PCDHGB1: variants seen among roughly 807,000 people sequenced by gnomAD.
The protein encoded by PCDHGB1 is protocadherin gamma subfamily B, 1.
Under a neutral mutation model 56.6 loss-of-function variants are expected in PCDHGB1, and 34 were observed. The observed-to-expected ratio is 0.60, with a 90% CI of 0.46 to 0.80. PCDHGB1 has a LOEUF of 0.80. Ranked by LOEUF, PCDHGB1 falls within the 30% of genes least tolerant of loss-of-function variation. PCDHGB1 has a pLI of 0.00. For synonymous variants in PCDHGB1, 561 were observed against 505.9 expected (o/e 1.11, Z -1.46); for missense variants, 1,278 against 1,204.6 (o/e 1.06, Z -0.90).
In PCDHGB1 at chr5:141,494,850, G is replaced by C. The variant is rs2099757124; in HGVS notation, c.2453G>C (p.Arg818Thr). 1.2e-6 allele frequency: 2 copies of C among 1,614,124 alleles called. No individual in the cohort carries two copies. The highest frequency in any genetic ancestry group is 1.7e-6 in the Non-Finnish European group (2 of 1,180,018). Reference protein sequence around the residue: ...NTDWRFSQAQRPGTSGSQNGD... With the variant: ...NTDWRFSQAQTPGTSGSQNGD... ...GACTGGCGTTTCTCTCAGGCCCAGA[G>C]ACCCGGCACCAGCGGGTAGGTGACT... is the stretch of plus-strand genomic sequence containing the variant. The change falls in exon 2 of 4, where the codon AGA becomes ACA. Residue 818 changes from arginine to threonine, a missense_variant. Physicochemically the swap from Arg to Thr is moderately conservative, Grantham distance 71. Transcript: ENST00000523390.
At chr5:141,361,404 A>G in intron 1 of PCDHGB1, 1 of 1,614,050 alleles carries the variant, frequency 6.2e-7, no homozygotes, top group East Asian at 2.2e-5. Context: ...TCACCATCAC[A>G]GCCACCGACG....
chr5:141,462,668 T>C (rs778396861), intron 1 of PCDHGB1, among the ~76,000 whole-genome samples: 10 of 152,232 alleles, frequency 6.6e-5, no homozygotes, highest in Non-Finnish European at 1.5e-4. Flanking sequence ...CTTCATATTT[T>C]TCTTTAAATT....
rs115237553 is a variant in PCDHGB1, at chr5:141,476,478, T to A, written c.2410-18329T>A. 1.3e-4 allele frequency: 203 copies of A among 1,613,844 alleles called. 2 individuals are homozygous for A. The African/African-American group carries it at 2.5e-3, about 20-fold the overall frequency. Reference sequence around the variant, plus strand: ...GAGAACCCGCTGGAGCTGTTCAGCGTGGAAGTGGTGATCCAGGACATCAAC... The same window carrying A: ...GAGAACCCGCTGGAGCTGTTCAGCGAGGAAGTGGTGATCCAGGACATCAAC... On this transcript the variant is annotated intron_variant, in intron 1 of 3. Transcript: ENST00000523390. The surrounding 1 kb of genome is among the most constrained non-coding windows in gnomAD (Gnocchi z 7.6).
intron 1 of PCDHGB1, chr5:141,357,257 A>G (rs1239209097): frequency 6.2e-7 from 1 of 1,612,430 alleles, no homozygotes; most frequent in Non-Finnish European, 8.5e-7. Flanking sequence ...GACCCAGACG[A>G]CTCGGGCCTC....
chr5:141,425,843 G>A (rs2096898027), intron 1 of PCDHGB1, among the ~76,000 whole-genome samples: 1 of 152,118 alleles, frequency 6.6e-6, no homozygotes, highest in African/African-American at 2.4e-5. Flanking sequence ...TCTCTTTGCT[G>A]GGTTAATGAC....
intron 1 of PCDHGB1, among the ~76,000 whole-genome samples, chr5:141,482,354 G>C (rs1461472845): frequency 6.6e-6 from 1 of 152,096 alleles, no homozygotes; most frequent in Non-Finnish European, 1.5e-5. Context: ...CTTGTTGTGA[G>C]AGTGAAAAGT....
Position 141,431,103 on chromosome 5 carries a change from A to C in PCDHGB1, c.2410-63704A>C, listed in dbSNP as rs769542343. On this transcript the variant is annotated intron_variant, in intron 1 of 3. Coordinates refer to ENST00000523390, the MANE Select transcript of PCDHGB1 (RefSeq NM_018922.3). This position sits in a 1 kb window ranked among gnomAD's most constrained non-coding sequence, Gnocchi z 4.8. ...GACATTCTGATGGAGGATAAAGTGA[A>C]AATATATGGAGTAGAAGTAGAAGTA... 6.2e-7 allele frequency: 1 copy of C among 1,614,246 alleles called. No individual in the cohort carries two copies.
At chr5:141,418,743 A>G in intron 1 of PCDHGB1, 5 of 1,613,954 alleles carry the variant, frequency 3.1e-6, no homozygotes, top group African/African-American at 1.3e-5. Context: ...TTCTCTCTGG[A>G]TTACACTACA....
intron 3 of PCDHGB1, among the ~76,000 whole-genome samples, chr5:141,510,117 T>C (rs1205620535): frequency 6.6e-6 from 1 of 151,908 alleles, no homozygotes; most frequent in East Asian, 1.9e-4. Context: ...TGTTTTGAAA[T>C]ACAAAAATTA....
intron 1 of PCDHGB1, chr5:141,419,364 C>T (rs1360235541): frequency 1.1e-5 from 18 of 1,613,690 alleles, no homozygotes; most frequent in Non-Finnish European, 1.3e-5. Flanking sequence ...CGAACGCTGT[C>T]GTCCTACGTG....
chr5:141,383,458 G>A, intron 1 of PCDHGB1: 1 of 1,613,878 alleles, frequency 6.2e-7, no homozygotes, highest in African/African-American at 1.3e-5. Context: ...AAGTGGAGAC[G>A]ATGAAACTAA....
At position 141,351,915 on chromosome 5, in the gene PCDHGB1, A is replaced by G. The variant is rs761580776; in HGVS notation, c.1655A>G (p.Asn552Ser). 1.1e-5 allele frequency: 18 copies of G among 1,613,262 alleles called. No individual in the cohort carries two copies. Among genetic ancestry groups the G allele is most frequent in the African/African-American group, 1.3e-5 (1 of 74,930 alleles). The change falls in exon 1 of 4, where the codon AAT becomes AGT. Residue 552 changes from asparagine (N) to serine (S), a missense_variant. By Grantham distance (46) the Asn-to-Ser change is conservative (BLOSUM62 1). Transcript: ENST00000523390. Reference sequence around the variant, plus strand: ...CTGCGCGTGTTGGTGGGCGACCTCAATGACAATGCGCCACGGGTGCTGTAC... The same window carrying G: ...CTGCGCGTGTTGGTGGGCGACCTCAGTGACAATGCGCCACGGGTGCTGTAC... ...VSLRVLVGDL[N>S]DNAPRVLYPA... is the part of the protein sequence containing the mutation.
At chr5:141,355,981 C>G in intron 1 of PCDHGB1, 1 of 1,613,874 alleles carries the variant, frequency 6.2e-7, no homozygotes, top group Non-Finnish European at 8.5e-7. Flanking sequence ...AGGCACTCGG[C>G]TACTCACCGT....
At position 141,355,951 on chromosome 5, in the gene PCDHGB1, G is replaced by T. The variant is rs1178682642; in HGVS notation, c.2409+3282G>T. 4 of 1,613,916 alleles carry T rather than the reference G, an allele frequency of 2.5e-6. No homozygotes were observed. In the South Asian group the frequency reaches 4.4e-5, roughly 18 times the overall value. On this transcript the variant is annotated intron_variant, in intron 1 of 3. Transcript: ENST00000523390. ...CACTCAGCCCGAGTACCACGTAAGT[G>T]TTCGTGAGAACGTTCCTGTAGGCAC...
chr5:141,450,826 A>ATTTTT (rs764729742), intron 1 of PCDHGB1, among the ~76,000 whole-genome samples: 2 of 134,302 alleles, frequency 1.5e-5, no homozygotes, highest in African/African-American at 2.9e-5. Flanking sequence ...TATTATTATT[A>ATTTTT]TTATTTTTTT....
Position 141,510,938 on chromosome 5 carries a change from T to A in PCDHGB1, c.2558-9T>A. 1 of 1,614,026 alleles carries A rather than the reference T, an allele frequency of 6.2e-7. No homozygotes were observed. Among genetic ancestry groups the A allele is most frequent in the Non-Finnish European group, 8.5e-7 (1 of 1,179,984 alleles). ...TTAGCTCCCACCTGATCTTCCTCTG[T>A]CTCTGCAGAAGCTGCTGATGGGAGC... On this transcript the variant is annotated splice_polypyrimidine_tract_variant and intron_variant, in intron 3 of 3. Coordinates refer to ENST00000523390, the MANE Select transcript of PCDHGB1 (RefSeq NM_018922.3).
At chr5:141,387,576 G>A in intron 1 of PCDHGB1, 2 of 487,618 alleles carry the variant, frequency 4.1e-6, no homozygotes, top group Non-Finnish European at 7.2e-6. Flanking sequence ...TATAATTATT[G>A]CACTGGTTAA....
At chr5:141,357,213 C>G (rs1448825972) in intron 1 of PCDHGB1, 3 of 1,613,766 alleles carry the variant, frequency 1.9e-6, no homozygotes, top group African/African-American at 1.3e-5. Context: ...TCCCAGATGT[C>G]CTGGCTGACT....
chr5:141,502,402 A>T (rs1317862793), intron 2 of PCDHGB1, among the ~76,000 whole-genome samples: 1 of 151,976 alleles, frequency 6.6e-6, no homozygotes, highest in Admixed American at 6.6e-5. Flanking sequence ...AATGTCCCCG[A>T]ACCTGGATTT....
Sources: gnomAD v4.1 joint callset for allele counts (sites outside exome capture counted in the v4.1 genomes callset) on GRCh38, gnomAD v4.1.1 for gene constraint, Gnocchi (gnomAD v3.1) non-coding constraint, MANE v1.5 for transcripts, NCBI Gene and HGNC (gene_info 2026-07-23, HGNC 2026-07-21) for gene names.